The following SV2B variants were observed in gnomAD, a reference collection of about 807,000 sequenced individuals.
The protein encoded by SV2B is solute carrier family 22 member B2.
In SV2B, 41 loss-of-function variants were observed where a neutral mutation model predicts 73.9. The ratio of observed to expected loss-of-function variants is 0.56; its 90% CI spans 0.43 to 0.72. SV2B has a LOEUF of 0.72. Ranked by LOEUF, SV2B falls within the 30% of genes least tolerant of loss-of-function variation. The probability of loss-of-function intolerance (pLI) is 0.00; values close to 1 mark genes in which losing one functional copy is unlikely to be tolerated. For missense variants in SV2B, 764 were observed against 857.8 expected (o/e 0.89, Z 1.37); for synonymous variants, 314 against 314.2 (o/e 1.00, Z 0.01).
intron 1 of SV2B, among the ~76,000 whole-genome samples, chr15:91,154,157 AATTAT>A (rs1390455494): frequency 4.7e-5 from 7 of 147,954 alleles, no homozygotes; most frequent in East Asian, 1.9e-4. Flanking sequence ...TATATTATAA[AATTAT>A]ATTATAGATT....
Position 91,130,300 on chromosome 15 carries a change from C to T in SV2B, c.-392+29937C>T, listed in dbSNP as rs2042603278. ...GGAATACTGAATTCCATATTGGGCTCTCTTGAGTGAACAGGCTCAGGAACC... is the reference window on the plus strand; with the variant it reads ...GGAATACTGAATTCCATATTGGGCTTTCTTGAGTGAACAGGCTCAGGAACC... On this transcript the variant is annotated intron_variant, in intron 1 of 12. Coordinates refer to ENST00000394232, the MANE Select transcript of SV2B (RefSeq NM_001323032.3). The surrounding 1 kb of genome is among the most constrained non-coding windows in gnomAD (Gnocchi z 5.6). Among the ~76,000 whole-genome samples the T allele has an allele frequency of 6.6e-6, 1 of 152,140 alleles. No homozygotes were observed. Among genetic ancestry groups the T allele is most frequent in the Non-Finnish European group, 1.5e-5 (1 of 68,032 alleles).
intron 1 of SV2B, among the ~76,000 whole-genome samples, chr15:91,151,293 C>T (rs1411324956): frequency 1.3e-5 from 2 of 152,208 alleles, no homozygotes; most frequent in Non-Finnish European, 2.9e-5. Context: ...TACCAGGTGG[C>T]TTCCATAGAA....
chr15:91,246,700 G>A (rs936297624), intron 2 of SV2B, among the ~76,000 whole-genome samples: 3 of 147,920 alleles, frequency 2.0e-5, no homozygotes, highest in African/African-American at 2.6e-5. Flanking sequence ...CCACCACATC[G>A]CTCCTCCTTT....
At position 91,110,255 on chromosome 15, in the gene SV2B, TG is replaced by T. The variant is rs1212404137; in HGVS notation, c.-392+9893del. ...CTCCTGGATTCATACAGTAAGTTAA[TG>T]ATGGAGAGAGGGTCAAAGCTCAGGT... On this transcript the variant is annotated intron_variant, in intron 1 of 12. Coordinates refer to ENST00000394232, the MANE Select transcript of SV2B (RefSeq NM_001323032.3). The surrounding 1 kb of genome is among the most constrained non-coding windows in gnomAD (Gnocchi z 5.4). Among the ~76,000 whole-genome samples the T allele has an allele frequency of 6.6e-6, 1 of 152,152 alleles. No individual in the cohort carries two copies. Among genetic ancestry groups the T allele is most frequent in the Non-Finnish European group, 1.5e-5 (1 of 68,020 alleles).
chr15:91,240,701 C>T lies in SV2B; in HGVS notation c.452-11118C>T, dbSNP rs2046974925. ...GGACTAATTTCATTATGCTCTTTAT[C>T]CCTGTATGTCAATCACCGTGAGAGG... On this transcript the variant is annotated intron_variant, in intron 2 of 12. Coordinates refer to ENST00000394232, the MANE Select transcript of SV2B (RefSeq NM_001323032.3). The surrounding 1 kb of genome is among the most constrained non-coding windows in gnomAD (Gnocchi z 4.6). Among the ~76,000 whole-genome samples the T allele has an allele frequency of 6.6e-6, 1 of 152,154 alleles. No homozygotes were observed.
chr15:91,204,883 C>T (rs562859333), intron 1 of SV2B, among the ~76,000 whole-genome samples: 1 of 152,184 alleles, frequency 6.6e-6, no homozygotes, highest in East Asian at 1.9e-4. Context: ...TTCTTACCAC[C>T]ACCTTGTGAG....
intron 1 of SV2B, among the ~76,000 whole-genome samples, chr15:91,190,273 A>C (rs545963353): frequency 1.3e-5 from 2 of 151,998 alleles, no homozygotes; most frequent in African/African-American, 4.8e-5. Flanking sequence ...TGAATGATCT[A>C]TGTAAGTGGT....
intron 2 of SV2B, among the ~76,000 whole-genome samples, chr15:91,247,776 T>C (rs1430604932): frequency 2.6e-5 from 4 of 152,170 alleles, no homozygotes; most frequent in Non-Finnish European, 4.4e-5. Flanking sequence ...TAGCGCCCTC[T>C]ATTGGCAGAG....
rs144272906 is a variant in SV2B, at chr15:91,272,935, C to T, written c.1373+4330C>T. On this transcript the variant is annotated intron_variant, in intron 9 of 12. Coordinates refer to ENST00000394232, the MANE Select transcript of SV2B (RefSeq NM_001323032.3). ...ACAGTCTCCGCCTCCCAGGTTCAAG[C>T]GATTCTCCTGTGTCAGCCTCCTGAG... is the stretch of plus-strand genomic sequence containing the variant. 6.7e-3 allele frequency among the ~76,000 whole-genome samples: 999 copies of T among 149,020 alleles called. 5 individuals carry two copies. Among genetic ancestry groups the T allele is most frequent in the Non-Finnish European group, 9.1e-3 (614 of 67,682 alleles).
At chr15:91,154,607 G>T (rs2043425568) in intron 1 of SV2B, among the ~76,000 whole-genome samples, 2 of 152,116 alleles carry the variant, frequency 1.3e-5, no homozygotes, top group Admixed American at 1.3e-4. Context: ...TTAATTTGAG[G>T]TCATAGTGGA....
rs760736791 is a variant in SV2B at position 91,226,495 on chromosome 15, A to G, written c.232A>G (p.Thr78Ala). 7.4e-6 allele frequency: 12 copies of G among 1,614,098 alleles called. No homozygotes were observed. The South Asian group carries it at 9.9e-5, about 13-fold the overall frequency. ...CAGAATGGACAGCCTTCGGGGCCAG[A>G]CAGACCTGATGGCTGAGAGGCTGGA... ...PSRMDSLRGQ[T>A]DLMAERLEDE... is the part of the protein sequence containing the mutation. Residue 78 changes from threonine (T) to alanine (A), a missense_variant, in exon 2 of 13, where the codon ACA becomes GCA. Physicochemically the swap from Thr to Ala is moderately conservative, Grantham distance 58. Coordinates refer to ENST00000394232, the MANE Select transcript of SV2B (RefSeq NM_001323032.3).
rs1325606908 is a variant in SV2B at position 91,224,816 on chromosome 15, AC to A, written c.-391-1056del. Among the ~76,000 whole-genome samples the A allele has an allele frequency of 3.9e-5, 6 of 152,352 alleles. No individual in the cohort carries two copies. The South Asian group carries it at 1.0e-3, about 26-fold the overall frequency. Reference sequence around the variant, plus strand: ...CACATGTTCTGGCACACAGTAGGCCACAATAAATGGTGGCCCCAAGCCTTGT... The same window carrying A: ...CACATGTTCTGGCACACAGTAGGCCAAATAAATGGTGGCCCCAAGCCTTGT... On this transcript the variant is annotated intron_variant, in intron 1 of 12. Coordinates refer to ENST00000394232, the MANE Select transcript of SV2B (RefSeq NM_001323032.3). The surrounding 1 kb of genome is among the most constrained non-coding windows in gnomAD (Gnocchi z 4.9).
In SV2B at chr15:91,236,125, T is replaced by C. The variant is rs2046770516; in HGVS notation, c.451+9411T>C. On this transcript the variant is annotated intron_variant, in intron 2 of 12. Coordinates refer to ENST00000394232, the MANE Select transcript of SV2B (RefSeq NM_001323032.3). The surrounding 1 kb of genome is among the most constrained non-coding windows in gnomAD (Gnocchi z 4.1). Reference sequence around the variant, plus strand: ...CAACATTGATTAAAGCAAGGATGTCTCAGGACATTCTGTCCACTTTGCCTG... The same window carrying C: ...CAACATTGATTAAAGCAAGGATGTCCCAGGACATTCTGTCCACTTTGCCTG... 6.6e-6 allele frequency among the ~76,000 whole-genome samples: 1 copy of C among 152,234 alleles called. No homozygotes were observed. The highest frequency in any genetic ancestry group is 2.1e-4 in the South Asian group (1 of 4,838).
At chr15:91,190,082 T>C (rs995142472) in intron 1 of SV2B, among the ~76,000 whole-genome samples, 2 of 152,236 alleles carry the variant, frequency 1.3e-5, no homozygotes, top group African/African-American at 2.4e-5. Context: ...TATATTTTCT[T>C]GTTAGTTATT....
At chr15:91,271,932 T>C (rs1315551769) in intron 9 of SV2B, among the ~76,000 whole-genome samples, 1 of 152,232 alleles carries the variant, frequency 6.6e-6, no homozygotes, top group Non-Finnish European at 1.5e-5. Flanking sequence ...TCGATGGAAA[T>C]TATTTTATTG....
At chr15:91,191,472 G>T (rs779643082) in intron 1 of SV2B, among the ~76,000 whole-genome samples, 15 of 151,896 alleles carry the variant, frequency 9.9e-5, no homozygotes, top group Non-Finnish European at 2.2e-4. Flanking sequence ...ATCTTGTTAA[G>T]CCAGTTTAGC....
At chr15:91,233,659 G>A (rs1423846972) in intron 2 of SV2B, among the ~76,000 whole-genome samples, 1 of 150,806 alleles carries the variant, frequency 6.6e-6, no homozygotes, top group Non-Finnish European at 1.5e-5. Flanking sequence ...ACATTCTGAT[G>A]AGTCTTCTTT....
rs1248510691 is a variant in SV2B, at chr15:91,301,061, T to C, written c.*8509T>C. 2.6e-5 allele frequency: 4 copies of C among 152,172 alleles called. No homozygotes were observed. Among genetic ancestry groups the C allele is most frequent in the Non-Finnish European group, 5.9e-5 (4 of 68,034 alleles). The allele number at this position is 152,172 out of a possible 1,614,324, so 9.4% of individuals were successfully genotyped here. A position where few individuals can be genotyped will look rare whatever the true frequency, so the allele number is the denominator to read the frequency against. On this transcript the variant is annotated 3_prime_UTR_variant, in exon 13 of 13. Coordinates refer to ENST00000394232, the MANE Select transcript of SV2B (RefSeq NM_001323032.3). This position sits in a 1 kb window ranked among gnomAD's most constrained non-coding sequence, Gnocchi z 4.3. ...TTACGTTTCCCAGTCCCATGTCACA[T>C]TGACCAGTCCTGTGGTCCTATGGCT...
intron 1 of SV2B, among the ~76,000 whole-genome samples, chr15:91,221,699 A>G (rs532308382): frequency 0.1 from 11,811 of 117,880 alleles, 547 homozygotes; most frequent in Middle Eastern, 0.13. Context: ...GTGCGCACAC[A>G]CACACACACA....
Sources: gnomAD v4.1 joint callset for allele counts (sites outside exome capture counted in the v4.1 genomes callset) on GRCh38, gnomAD v4.1.1 for gene constraint, Gnocchi (gnomAD v3.1) non-coding constraint, MANE v1.5 for transcripts, NCBI Gene and HGNC (gene_info 2026-07-23, HGNC 2026-07-21) for gene names.